ZBTB7C: variants seen among roughly 807,000 people sequenced by gnomAD.
The protein encoded by ZBTB7C is zinc finger and BTB domain-containing protein 7C.
In ZBTB7C, 8 loss-of-function variants were observed where a neutral mutation model predicts 25.7. That is an observed-to-expected ratio of 0.31 (90% confidence interval 0.18 to 0.56). The LOEUF is 0.56. Ranked by LOEUF, ZBTB7C falls within the 20% of genes least tolerant of loss-of-function variation. The probability of loss-of-function intolerance (pLI) is 0.91; values close to 1 mark genes in which losing one functional copy is unlikely to be tolerated. For missense variants in ZBTB7C, 824 were observed against 855.2 expected, an observed-to-expected ratio of 0.96 and a Z score of 0.46; for synonymous variants, 394 against 369.0, an observed-to-expected ratio of 1.07 and a Z score of -0.78.
intron 3 of ZBTB7C, among the ~76,000 whole-genome samples, chr18:48,067,141 A>G (rs931592473): frequency 2.0e-5 from 3 of 152,016 alleles, no homozygotes; most frequent in African/African-American, 4.8e-5. Flanking sequence ...CTAGCTCTAT[A>G]GCTCTATAGC....
chr18:48,071,743 T>C (rs1369453066), intron 3 of ZBTB7C, among the ~76,000 whole-genome samples: 1 of 152,240 alleles, frequency 6.6e-6, no homozygotes, highest in Non-Finnish European at 1.5e-5. Context: ...CAAACCGAAG[T>C]CCATCAGTGG....
intron 3 of ZBTB7C, among the ~76,000 whole-genome samples, chr18:48,134,169 G>C (rs968000630): frequency 6.6e-6 from 1 of 150,796 alleles, no homozygotes; most frequent in Non-Finnish European, 1.5e-5. Context: ...CAATTCTGGG[G>C]AAAGAAAGTC....
intron 3 of ZBTB7C, among the ~76,000 whole-genome samples, chr18:48,184,326 G>A (rs2042001559): frequency 6.6e-6 from 1 of 152,206 alleles, no homozygotes; most frequent in Non-Finnish European, 1.5e-5. Flanking sequence ...AGGACCTGTT[G>A]CATAATCTGA....
At chr18:48,248,970 TAACA>T (rs1214928365) in intron 2 of ZBTB7C, among the ~76,000 whole-genome samples, 4 of 152,192 alleles carry the variant, frequency 2.6e-5, no homozygotes, top group African/African-American at 4.8e-5. Context: ...ACCAAGACCA[TAACA>T]AACAGATAAT....
At chr18:48,257,481 A>G (rs1254249951) in intron 2 of ZBTB7C, among the ~76,000 whole-genome samples, 1 of 152,182 alleles carries the variant, frequency 6.6e-6, no homozygotes, top group African/African-American at 2.4e-5. Context: ...TACTATTTAA[A>G]GAAGAAATTA....
chr18:48,080,136 TG>T (rs2037926557), intron 3 of ZBTB7C, among the ~76,000 whole-genome samples: 5 of 152,200 alleles, frequency 3.3e-5, no homozygotes, highest in Admixed American at 3.3e-4. Flanking sequence ...CAGCCCCAGA[TG>T]GGATCAGCCC....
chr18:48,341,738 A>T (rs904674642), intron 1 of ZBTB7C, among the ~76,000 whole-genome samples: 2 of 152,246 alleles, frequency 1.3e-5, no homozygotes, highest in African/African-American at 4.8e-5. Context: ...ATCATCATGC[A>T]CTGCCATGGA....
At chr18:48,113,091 T>C (rs936129580) in intron 3 of ZBTB7C, among the ~76,000 whole-genome samples, 2 of 152,206 alleles carry the variant, frequency 1.3e-5, no homozygotes, top group Non-Finnish European at 2.9e-5. Flanking sequence ...GATGGGGTGA[T>C]ATTTCTTGAG....
chr18:48,233,943 C>T (rs1023124876), intron 2 of ZBTB7C, among the ~76,000 whole-genome samples: 1 of 152,142 alleles, frequency 6.6e-6, no homozygotes, highest in African/African-American at 2.4e-5. Flanking sequence ...TGGGTCAGTT[C>T]CATCCACATC....
At chr18:48,029,944 G>A in intron 4 of ZBTB7C, 33 bp from the exon 5 acceptor site, 1 of 1,607,034 alleles carries the variant, frequency 6.2e-7, no homozygotes. Flanking sequence ...CAGTCCCGCA[G>A]GGAACACCAG....
chr18:48,317,709 C>T (rs976548927), intron 2 of ZBTB7C, among the ~76,000 whole-genome samples: 1 of 152,156 alleles, frequency 6.6e-6, no homozygotes, highest in African/African-American at 2.4e-5. Flanking sequence ...AGCTTATAGG[C>T]AATACAAGTC....
chr18:48,088,513 T>C (rs768936300), intron 3 of ZBTB7C, among the ~76,000 whole-genome samples: 2 of 152,230 alleles, frequency 1.3e-5, no homozygotes, highest in Admixed American at 6.5e-5. Flanking sequence ...TGGTTCCATT[T>C]TGGCTGGTTG....
intron 2 of ZBTB7C, among the ~76,000 whole-genome samples, chr18:48,200,705 G>A (rs1028139958): frequency 2.0e-5 from 3 of 152,202 alleles, no homozygotes; most frequent in African/African-American, 4.8e-5. Context: ...ACAGAAGCAC[G>A]GTGCAGGGCA....
At chr18:48,157,790 G>A (rs1236164369) in intron 3 of ZBTB7C, among the ~76,000 whole-genome samples, 1 of 152,120 alleles carries the variant, frequency 6.6e-6, no homozygotes, top group Admixed American at 6.5e-5. Flanking sequence ...TATATATCAG[G>A]TGCCACATAA....
chr18:48,045,790 C>A (rs1012135027), intron 3 of ZBTB7C, among the ~76,000 whole-genome samples: 4 of 152,194 alleles, frequency 2.6e-5, no homozygotes, highest in Non-Finnish European at 4.4e-5. Context: ...TTGTAAGCTG[C>A]TTGAGGGCAG....
intron 2 of ZBTB7C, among the ~76,000 whole-genome samples, chr18:48,262,966 A>G (rs2044213142): frequency 6.6e-6 from 1 of 152,014 alleles, no homozygotes; most frequent in Admixed American, 6.5e-5. Flanking sequence ...TGCTCCTACC[A>G]CCAGAATGCC....
At chr18:48,048,209 T>TG (rs5824727) in intron 3 of ZBTB7C, among the ~76,000 whole-genome samples, 31,005 of 152,018 alleles carry the variant, frequency 0.2, 3,450 homozygotes, top group South Asian at 0.28. Flanking sequence ...CCCTGTGGGC[T>TG]GGGGGTCAGG....
chr18:48,239,702 C>T (rs760602668), intron 2 of ZBTB7C, among the ~76,000 whole-genome samples: 9 of 152,140 alleles, frequency 5.9e-5, no homozygotes, highest in Non-Finnish European at 1.2e-4. Flanking sequence ...CTCTGTGGGA[C>T]GAATCTGAAC....
chr18:48,317,257 C>CAAAA (rs71165318), intron 2 of ZBTB7C, among the ~76,000 whole-genome samples: 11 of 69,450 alleles, frequency 1.6e-4, no homozygotes, highest in Non-Finnish European at 2.3e-4. Flanking sequence ...AACTCCGTCT[C>CAAAA]AAAAAAAAAA....
Sources: allele counts gnomAD v4.1 joint callset (sites outside exome capture counted in the v4.1 genomes callset), GRCh38; gene constraint gnomAD v4.1.1; transcripts MANE v1.5; gene names NCBI Gene and HGNC (gene_info 2026-07-23, HGNC 2026-07-21).